GSK3B: variants seen among roughly 807,000 people sequenced by gnomAD.
GSK3B encodes glycogen synthase kinase-3 beta.
GSK3B carries 15 observed loss-of-function variants against 56.4 expected under a neutral mutation model. That is an observed-to-expected ratio of 0.27 (90% CI 0.18 to 0.41). The LOEUF is 0.41. GSK3B is among the 10% of genes least tolerant of loss of function. The pLI is 1.00. For synonymous variants in GSK3B, 181 were observed against 188.9 expected, an observed-to-expected ratio of 0.96 and a Z score of 0.34; for missense variants, 300 against 513.4, an observed-to-expected ratio of 0.58 and a Z score of 4.02.
At chr3:120,067,454 C>T (rs146662436) in intron 1 of GSK3B, among the ~76,000 whole-genome samples, 12 of 152,188 alleles carry the variant, frequency 7.9e-5, no homozygotes, top group African/African-American at 2.9e-4. Flanking sequence ...CTTAATTTAG[C>T]CTATAGTTGG....
At chr3:119,851,175 A>G (rs2055925042) in intron 9 of GSK3B, among the ~76,000 whole-genome samples, 1 of 152,212 alleles carries the variant, frequency 6.6e-6, no homozygotes, top group Non-Finnish European at 1.5e-5. Flanking sequence ...CAAAAGCAAA[A>G]TGAGTTTAAA....
chr3:119,958,027 T>C (rs1245702819), intron 2 of GSK3B, among the ~76,000 whole-genome samples: 4 of 152,096 alleles, frequency 2.6e-5, no homozygotes, highest in South Asian at 2.1e-4. Context: ...CGAGGACCTA[T>C]ACCCCCCCAA....
intron 1 of GSK3B, among the ~76,000 whole-genome samples, chr3:120,016,012 T>G (rs1273020202): frequency 2.0e-5 from 3 of 152,196 alleles, no homozygotes; most frequent in Non-Finnish European, 4.4e-5. Context: ...GGGTGGGAAA[T>G]TTACTCTGTT....
At chr3:120,086,449 CAGA>C (rs1300884730) in intron 1 of GSK3B, among the ~76,000 whole-genome samples, 3 of 152,176 alleles carry the variant, frequency 2.0e-5, no homozygotes, top group African/African-American at 7.2e-5. Flanking sequence ...GTAGTTTATG[CAGA>C]AGCCCAGGTT....
intron 2 of GSK3B, among the ~76,000 whole-genome samples, chr3:119,983,826 G>A (rs2057487535): frequency 6.6e-6 from 1 of 152,118 alleles, no homozygotes. Flanking sequence ...GCATATCCAG[G>A]ACCTGAACTC....
chr3:119,883,726 A>T (rs1007392981), intron 7 of GSK3B, among the ~76,000 whole-genome samples: 1 of 152,196 alleles, frequency 6.6e-6, no homozygotes, highest in Non-Finnish European at 1.5e-5. Flanking sequence ...TTCAGAGGTC[A>T]TAACTAGAAA....
chr3:120,090,912 T>A (rs1392866928), intron 1 of GSK3B, among the ~76,000 whole-genome samples: 1 of 152,298 alleles, frequency 6.6e-6, no homozygotes, highest in South Asian at 2.1e-4. Context: ...TTCAGATTTG[T>A]CAACTTGATT....
intron 2 of GSK3B, among the ~76,000 whole-genome samples, chr3:119,971,847 G>T (rs1011729985): frequency 6.6e-6 from 1 of 151,586 alleles, no homozygotes; most frequent in Non-Finnish European, 1.5e-5. Flanking sequence ...TCCTGACCTC[G>T]TGATCCGCCC....
At chr3:120,084,209 GAAT>G (rs1263246627) in intron 1 of GSK3B, among the ~76,000 whole-genome samples, 7 of 152,120 alleles carry the variant, frequency 4.6e-5, no homozygotes, top group African/African-American at 1.2e-4. Flanking sequence ...TACATACTGA[GAAT>G]AATTTGAATA....
At chr3:119,930,905 A>T (rs1036534012) in intron 3 of GSK3B, among the ~76,000 whole-genome samples, 1 of 152,224 alleles carries the variant, frequency 6.6e-6, no homozygotes, top group Non-Finnish European at 1.5e-5. Context: ...AACACAGCAG[A>T]ATACATCAAA....
chr3:119,984,128 G>A (rs1432561635), intron 2 of GSK3B, among the ~76,000 whole-genome samples: 2 of 152,032 alleles, frequency 1.3e-5, no homozygotes, highest in South Asian at 2.1e-4. Flanking sequence ...ATAAAATGAA[G>A]GCAGAAATAA....
chr3:120,066,554 T>C (rs1206070689), intron 1 of GSK3B, among the ~76,000 whole-genome samples: 1 of 152,200 alleles, frequency 6.6e-6, no homozygotes, highest in East Asian at 1.9e-4. Flanking sequence ...AATCAAGACT[T>C]ACCCTGCTTT....
At chr3:119,881,391 C>T (rs1212328919) in intron 7 of GSK3B, among the ~76,000 whole-genome samples, 3 of 152,136 alleles carry the variant, frequency 2.0e-5, no homozygotes, top group South Asian at 2.1e-4. Flanking sequence ...AAAAGTAATT[C>T]TTCTAGCTCT....
At chr3:120,017,298 G>T (rs2057835348) in intron 1 of GSK3B, among the ~76,000 whole-genome samples, 1 of 152,126 alleles carries the variant, frequency 6.6e-6, no homozygotes, top group Admixed American at 6.6e-5. Context: ...TCAACCTTGA[G>T]CAGCCAGAAG....
At position 119,825,610 on chromosome 3, in the gene GSK3B, C is replaced by A. The variant is rs185646830; in HGVS notation, c.*1178G>T. ...GTGTAGTTTTTAATATTTCTACCAT[C>A]TGACATGCATCAATAAATAAATGTA... On this transcript the variant is annotated 3_prime_UTR_variant, in exon 11 of 11. Transcript: ENST00000264235. 1 of 228,712 alleles carries A rather than the reference C, an allele frequency of 4.4e-6. No individual in the cohort carries two copies. The highest frequency in any genetic ancestry group is 8.7e-6 in the Non-Finnish European group (1 of 115,460). The allele number at this position is 228,712 out of a possible 1,614,324, so 14.2% of individuals were successfully genotyped here.
At chr3:119,901,317 T>C (rs563915219) in intron 7 of GSK3B, among the ~76,000 whole-genome samples, 360 of 152,328 alleles carry the variant, frequency 2.4e-3, no homozygotes, top group Admixed American at 4.3e-3. Flanking sequence ...ATTTTTGATA[T>C]GTAGAGGTCA....
intron 6 of GSK3B, among the ~76,000 whole-genome samples, chr3:119,912,112 T>C (rs542706505): frequency 6.6e-6 from 1 of 152,270 alleles, no homozygotes; most frequent in African/African-American, 2.4e-5. Context: ...ACCTTTCACT[T>C]GAACACTTAG....
At chr3:120,026,606 C>T (rs143117210) in intron 1 of GSK3B, among the ~76,000 whole-genome samples, 5,066 of 150,984 alleles carry the variant, frequency 0.034, 316 homozygotes, top group African/African-American at 0.12. Flanking sequence ...CACTCTGTTG[C>T]CCAGGCTAGA....
intron 2 of GSK3B, among the ~76,000 whole-genome samples, chr3:119,997,754 C>T (rs1304276031): frequency 2.0e-5 from 3 of 151,864 alleles, no homozygotes; most frequent in East Asian, 3.9e-4. Context: ...GACAAATCAG[C>T]GGAAAAGAAA....
Sources: allele counts gnomAD v4.1 joint callset (sites outside exome capture counted in the v4.1 genomes callset), GRCh38; gene constraint gnomAD v4.1.1; transcripts MANE v1.5; gene names NCBI Gene and HGNC (gene_info 2026-07-23, HGNC 2026-07-21).